GPAM: variants seen among roughly 807,000 people sequenced by gnomAD.
GPAM encodes glycerol-3-phosphate acyltransferase 1, mitochondrial.
Under a neutral mutation model 105.0 loss-of-function variants are expected in GPAM, and 56 were observed. The ratio of observed to expected loss-of-function variants is 0.53; its 90% CI spans 0.43 to 0.67. The LOEUF (loss-of-function observed/expected upper bound fraction) is 0.67, where lower values mean the gene tolerates loss of function less well. GPAM is among the 30% of genes least tolerant of loss of function. The pLI is 0.00. For synonymous variants in GPAM, 368 were observed against 354.4 expected (o/e 1.04, Z -0.43); for missense variants, 855 against 989.8 (o/e 0.86, Z 1.83).
chr10:112,172,938 A>C (rs1191251106), intron 8 of GPAM, 32 bp downstream of exon 8: 3 of 1,123,386 alleles, frequency 2.7e-6, no homozygotes, highest in Non-Finnish European at 4.1e-6. Context: ...ATTGAGGGGA[A>C]AATGGGGTAA....
intron 1 of GPAM, among the ~76,000 whole-genome samples, chr10:112,207,061 C>T (rs967852529): frequency 6.6e-6 from 1 of 152,208 alleles, no homozygotes; most frequent in African/African-American, 2.4e-5. Context: ...GTTTCTCAAA[C>T]TCAGGTAGAA....
intron 14 of GPAM, among the ~76,000 whole-genome samples, chr10:112,162,258 G>A (rs1037539228): frequency 3.9e-5 from 6 of 152,118 alleles, no homozygotes; most frequent in Non-Finnish European, 7.3e-5. Flanking sequence ...TCATGACTTG[G>A]GGCAAATTAC....
chr10:112,156,005 G>T lies in GPAM; in HGVS notation c.2170C>A (p.Leu724Ile). 6.2e-7 allele frequency: 1 copy of T among 1,613,174 alleles called. No homozygotes were observed. Among genetic ancestry groups the T allele is most frequent in the Non-Finnish European group, 8.5e-7 (1 of 1,179,224 alleles). Residue 724 changes from leucine to isoleucine, a missense_variant, in exon 20 of 22, where the codon CTC (leucine) becomes ATC (isoleucine). By Grantham distance (5) the Leu-to-Ile change is conservative. Transcript: ENST00000348367. ...TAGGCCTCCAGCAAAGGCCCAAGGAGTCTCTGTAAGAAGGTGATAAACTGC... is the reference window on the plus strand; with the variant it reads ...TAGGCCTCCAGCAAAGGCCCAAGGATTCTCTGTAAGAAGGTGATAAACTGC... ...HQQFITFLQRLLGPLLEAYSS... is the reference protein window; with the variant it reads ...HQQFITFLQRILGPLLEAYSS...
At chr10:112,213,773 G>A (rs749627287) in intron 1 of GPAM, among the ~76,000 whole-genome samples, 2 of 152,162 alleles carry the variant, frequency 1.3e-5, no homozygotes, top group Non-Finnish European at 2.9e-5. Flanking sequence ...GGTGGGTCCA[G>A]AAAACTGAAA....
chr10:112,156,133 G>C, intron 19 of GPAM, 80 bp from the exon 20 acceptor site: 2 of 962,702 alleles, frequency 2.1e-6, no homozygotes, highest in Non-Finnish European at 3.3e-6. Flanking sequence ...ACTTTCTCTG[G>C]AGAGCCAGTA....
chr10:112,168,675 A>G (rs1451005285), intron 10 of GPAM, 151 bp from the exon 11 acceptor site: 2 of 722,346 alleles, frequency 2.8e-6, no homozygotes, highest in African/African-American at 1.8e-5. Flanking sequence ...CAGCTCCTCC[A>G]ATGCTATATT....
chr10:112,185,642 A>G (rs1268424210), upstream of GPAM, among the ~76,000 whole-genome samples: 2 of 151,790 alleles, frequency 1.3e-5, no homozygotes, highest in Non-Finnish European at 2.9e-5. Flanking sequence ...ACATTACTAA[A>G]AAAGAAACAG....
upstream of GPAM, among the ~76,000 whole-genome samples, chr10:112,219,603 T>C (rs984007417): frequency 2.0e-5 from 3 of 152,044 alleles, no homozygotes; most frequent in Admixed American, 6.6e-5. Context: ...CCTAAGAGAG[T>C]TCTTAAATTC....
chr10:112,191,168 C>T (rs989200497), intron 1 of GPAM, among the ~76,000 whole-genome samples: 3 of 152,188 alleles, frequency 2.0e-5, no homozygotes, highest in South Asian at 2.1e-4. Context: ...TCAAAGAATG[C>T]ACCAAGTCCA....
At chr10:112,168,055 A>G (rs548209541) in intron 11 of GPAM, among the ~76,000 whole-genome samples, 5 of 152,296 alleles carry the variant, frequency 3.3e-5, no homozygotes, top group East Asian at 1.9e-4. Context: ...TCCCAATCCC[A>G]TGACCAAGGT....
upstream of GPAM, among the ~76,000 whole-genome samples, chr10:112,217,281 G>T (rs1404808254): frequency 6.6e-6 from 1 of 152,080 alleles, no homozygotes; most frequent in Non-Finnish European, 1.5e-5. Context: ...GACCTTTGCA[G>T]CTGTTTTTTT....
In GPAM at chr10:112,151,725, A is replaced by C. The variant is rs1375624886; in HGVS notation, c.*1825T>G. ...TAATGGTGAGCTTGAGTAATCCTTAATTTACAATTTAAAGGATGAAAAAAA... is the reference window on the plus strand; with the variant it reads ...TAATGGTGAGCTTGAGTAATCCTTACTTTACAATTTAAAGGATGAAAAAAA... On this transcript the variant is annotated 3_prime_UTR_variant, in exon 22 of 22. Coordinates refer to ENST00000348367, the MANE Select transcript of GPAM (RefSeq NM_001244949.2). 1.0e-6 allele frequency: 1 copy of C among 985,240 alleles called. No homozygotes were observed. The highest frequency in any genetic ancestry group is 1.1e-4 in the East Asian group (1 of 8,818). 61.0% of individuals were successfully genotyped at this position (985,240 alleles called of 1,614,324 possible).
rs1846899087 is a variant in GPAM at position 112,150,647 on chromosome 10, T to C, written c.*2903A>G. ...ATCCCAAAGGAGAAAAAGGTCCTGG[T>C]GTCAAAATAGTTTGGGCAATGCTGG... On this transcript the variant is annotated 3_prime_UTR_variant, in exon 22 of 22. Transcript: ENST00000348367. 1.1e-6 allele frequency: 1 copy of C among 907,254 alleles called. No homozygotes were observed. Among genetic ancestry groups the C allele is most frequent in the Non-Finnish European group, 1.3e-6 (1 of 758,618 alleles). 56.2% of individuals were successfully genotyped at this position (907,254 alleles called of 1,614,324 possible).
At chr10:112,195,378 T>G (rs1168680678) in intron 1 of GPAM, among the ~76,000 whole-genome samples, 1 of 152,186 alleles carries the variant, frequency 6.6e-6, no homozygotes, top group Non-Finnish European at 1.5e-5. Context: ...CCACGTACTC[T>G]TTCGCTCTCT....
upstream of GPAM, among the ~76,000 whole-genome samples, chr10:112,187,681 G>C (rs1046948829): frequency 3.3e-5 from 5 of 151,930 alleles, no homozygotes; most frequent in African/African-American, 9.7e-5. Flanking sequence ...GATGTAAAAG[G>C]CTTGTACAAT....
In GPAM at chr10:112,152,530, T is replaced by G; in HGVS notation, c.*1020A>C. On this transcript the variant is annotated 3_prime_UTR_variant, in exon 22 of 22. Transcript: ENST00000348367. ...ACGGCACAACTCGAGTGGGTACCAG[T>G]CACCTGGACTGGGGTGCAGTACACA... 1 of 985,380 alleles carries G rather than the reference T, an allele frequency of 1.0e-6. No individual in the cohort carries two copies. 61.0% of individuals were successfully genotyped at this position (985,380 alleles called of 1,614,324 possible).
In GPAM at chr10:112,150,953, A is replaced by C; in HGVS notation, c.*2597T>G. On this transcript the variant is annotated 3_prime_UTR_variant, in exon 22 of 22. Coordinates refer to ENST00000348367, the MANE Select transcript of GPAM (RefSeq NM_001244949.2). ...AAATTTAACAGATTCCAGAAGGAAG[A>C]CTCGAAGCCATCTCAGTTAACAGTT... 1.0e-6 allele frequency: 1 copy of C among 984,534 alleles called. No homozygotes were observed. Among genetic ancestry groups the C allele is most frequent in the African/African-American group, 1.7e-5 (1 of 57,222 alleles). 61.0% of individuals were successfully genotyped at this position (984,534 alleles called of 1,614,324 possible). A position where few individuals can be genotyped will look rare whatever the true frequency, so the allele number is the denominator to read the frequency against.
In GPAM at chr10:112,157,249, C is replaced by A; in HGVS notation, c.2121G>T (p.Lys707Asn). The A allele has an allele frequency of 6.2e-7, 1 of 1,613,236 alleles. No individual in the cohort carries two copies. Among genetic ancestry groups the A allele is most frequent in the Non-Finnish European group, 8.5e-7 (1 of 1,179,222 alleles). ...CCACCAGAATTCTTCACCCAAGTAC[C>A]TTCAGGTAGCAATCTCGCTGTTCCT... ...FGEEQRDCYL[K>N]VSQSKEHQQF... Residue 707 changes from lysine (K) to asparagine (N), a missense_variant and splice_region_variant, in exon 19 of 22, where the codon AAG (lysine) becomes AAT (asparagine). Coordinates refer to ENST00000348367, the MANE Select transcript of GPAM (RefSeq NM_001244949.2).
chr10:112,181,350 C>T (rs1359187124), intron 3 of GPAM, among the ~76,000 whole-genome samples: 1 of 151,952 alleles, frequency 6.6e-6, no homozygotes, highest in Non-Finnish European at 1.5e-5. Context: ...TTATAAAATT[C>T]ATGCTTTTCA....
Sources: gnomAD v4.1 joint callset for allele counts (sites outside exome capture counted in the v4.1 genomes callset) on GRCh38, gnomAD v4.1.1 for gene constraint, MANE v1.5 for transcripts, NCBI Gene and HGNC (gene_info 2026-07-23, HGNC 2026-07-21) for gene names.